Variants in NALF1 observed in about 807,000 individuals in gnomAD.
NALF1 encodes the protein NALCN channel auxiliary factor 1.
NALF1 carries 3 observed loss-of-function variants against 48.4 expected under a neutral mutation model. The ratio of observed to expected loss-of-function variants is 0.06; its 90% confidence interval spans 0.03 to 0.16. The LOEUF is 0.16. Among genes scored for constraint, NALF1 ranks in the 10% least tolerant of loss-of-function variants. The pLI, the probability that NALF1 is intolerant of heterozygous loss-of-function variation, is 1.00. For synonymous variants in NALF1, 262 were observed against 245.7 expected, an observed-to-expected ratio of 1.07 and a Z score of -0.62; for missense variants, 526 against 571.5, an observed-to-expected ratio of 0.92 and a Z score of 0.81.
intron 1 of NALF1, among the ~76,000 whole-genome samples, chr13:107,598,515 C>T (rs531229295): frequency 5.9e-5 from 9 of 152,282 alleles, no homozygotes; most frequent in African/African-American, 2.2e-4. Context: ...AACGGGATGC[C>T]TAATGTGCAT....
chr13:107,712,148 A>G (rs1160911573), intron 1 of NALF1, among the ~76,000 whole-genome samples: 1 of 152,204 alleles, frequency 6.6e-6, no homozygotes, highest in Non-Finnish European at 1.5e-5. Context: ...ACACACACAC[A>G]TTATAAATGT....
intron 1 of NALF1, among the ~76,000 whole-genome samples, chr13:107,331,853 A>T (rs919145764): frequency 6.6e-6 from 1 of 152,168 alleles, no homozygotes; most frequent in African/African-American, 2.4e-5. Context: ...TTCATAAGAC[A>T]TTATAATTTT....
At chr13:107,305,700 C>A (rs1287939117) in intron 1 of NALF1, among the ~76,000 whole-genome samples, 2 of 152,152 alleles carry the variant, frequency 1.3e-5, no homozygotes, top group Non-Finnish European at 2.9e-5. Context: ...CATAAAACAA[C>A]ATAAATGAAT....
chr13:107,191,833 ATTTTT>A (rs66566638), intron 2 of NALF1, among the ~76,000 whole-genome samples: 4 of 112,188 alleles, frequency 3.6e-5, no homozygotes, highest in Admixed American at 1.0e-4. Flanking sequence ...CACTATGCCT[ATTTTT>A]TTTTTTTTTT....
intron 1 of NALF1, among the ~76,000 whole-genome samples, chr13:107,306,006 T>C (rs943908734): frequency 6.6e-6 from 1 of 151,798 alleles, no homozygotes; most frequent in African/African-American, 2.4e-5. Flanking sequence ...GTGAGGGGAG[T>C]GGGTGGAGGT....
At chr13:107,559,170 C>T (rs558140060) in intron 1 of NALF1, among the ~76,000 whole-genome samples, 2 of 152,214 alleles carry the variant, frequency 1.3e-5, no homozygotes, top group East Asian at 1.9e-4. Context: ...AGAGAGGAGA[C>T]GCCATGCTAA....
intron 2 of NALF1, among the ~76,000 whole-genome samples, chr13:107,198,037 T>C (rs1178866238): frequency 6.6e-6 from 1 of 152,206 alleles, no homozygotes; most frequent in Non-Finnish European, 1.5e-5. Context: ...AGAACAAATA[T>C]ACTTTCAAAT....
intron 1 of NALF1, among the ~76,000 whole-genome samples, chr13:107,570,491 G>A (rs1182122500): frequency 2.6e-5 from 4 of 151,504 alleles, no homozygotes; most frequent in Non-Finnish European, 5.9e-5. Context: ...GGATTAGATT[G>A]ATTTTCAAAT....
intron 2 of NALF1, among the ~76,000 whole-genome samples, chr13:107,190,381 G>A (rs1049988704): frequency 2.6e-4 from 39 of 152,226 alleles, no homozygotes; most frequent in Admixed American, 2.2e-3. Context: ...GTACACTCAC[G>A]CATACACAGA....
chr13:107,612,177 G>A, intron 1 of NALF1, among the ~76,000 whole-genome samples: 1 of 145,382 alleles, frequency 6.9e-6, no homozygotes, highest in African/African-American at 2.6e-5. Context: ...AAGGAAGGAA[G>A]GAAAGAAAAC....
At chr13:107,181,588 T>C (rs950430049) in intron 2 of NALF1, among the ~76,000 whole-genome samples, 2 of 150,252 alleles carry the variant, frequency 1.3e-5, no homozygotes, top group Non-Finnish European at 3.0e-5. Flanking sequence ...TTTTCAATTG[T>C]TTTCCTTGTG....
At chr13:107,852,575 C>G (rs868007593) in intron 1 of NALF1, among the ~76,000 whole-genome samples, 2 of 152,160 alleles carry the variant, frequency 1.3e-5, no homozygotes, top group South Asian at 4.1e-4. Context: ...CACAAAGTCA[C>G]TGTGATCATT....
intron 1 of NALF1, among the ~76,000 whole-genome samples, chr13:107,248,793 A>T (rs1880636090): frequency 6.6e-6 from 1 of 151,282 alleles, no homozygotes; most frequent in Non-Finnish European, 1.5e-5. Context: ...ACAAATTTTG[A>T]GTATATGGAT....
intron 1 of NALF1, among the ~76,000 whole-genome samples, chr13:107,862,983 TA>T (rs1312292148): frequency 1.1e-4 from 16 of 151,438 alleles, no homozygotes; most frequent in African/African-American, 3.4e-4. Context: ...TTTGTGGTGC[TA>T]ACATGATTTT....
intron 1 of NALF1, among the ~76,000 whole-genome samples, chr13:107,326,414 G>A (rs1882365739): frequency 6.6e-6 from 1 of 152,064 alleles, no homozygotes; most frequent in African/African-American, 2.4e-5. Flanking sequence ...CTTTATTAAC[G>A]ATTGACCTTT....
At chr13:107,427,564 G>A (rs1354653862) in intron 1 of NALF1, among the ~76,000 whole-genome samples, 2 of 151,720 alleles carry the variant, frequency 1.3e-5, no homozygotes, top group Non-Finnish European at 1.5e-5. Flanking sequence ...AACTTTTCAT[G>A]GGAAGAAAAA....
intron 1 of NALF1, among the ~76,000 whole-genome samples, chr13:107,248,961 C>A (rs1220735997): frequency 6.6e-6 from 1 of 150,470 alleles, no homozygotes; most frequent in Admixed American, 6.6e-5. Flanking sequence ...TGTACACACA[C>A]ATATATATAT....
At chr13:107,823,667 G>A (rs72657275) in intron 1 of NALF1, among the ~76,000 whole-genome samples, 2,199 of 152,182 alleles carry the variant, frequency 0.014, 26 homozygotes, top group Admixed American at 0.026. Flanking sequence ...ATTCTTCAAA[G>A]AGGCCTTCTG....
intron 1 of NALF1, among the ~76,000 whole-genome samples, chr13:107,739,162 G>A (rs144924586): frequency 1.3e-5 from 2 of 151,834 alleles, no homozygotes; most frequent in East Asian, 1.9e-4. Flanking sequence ...CCTGTCAGGC[G>A]GTCAGGGGTA....
Sources: gnomAD v4.1 joint callset for allele counts (sites outside exome capture counted in the v4.1 genomes callset) on GRCh38, gnomAD v4.1.1 for gene constraint, MANE v1.5 for transcripts, NCBI Gene and HGNC (gene_info 2026-07-23, HGNC 2026-07-21) for gene names.